Variants in ABCC2 observed in about 807,000 individuals in gnomAD.
ABCC2 encodes ATP binding cassette subfamily C member 2, also known as ATP-binding cassette sub-family C member 2.
ABCC2 carries 157 observed loss-of-function variants against 173.4 expected under a neutral mutation model. The observed-to-expected ratio is 0.91, with a 90% CI of 0.80 to 1.03. The LOEUF (loss-of-function observed/expected upper bound fraction) is 1.03. Among genes scored for constraint, ABCC2 ranks in the 50% least tolerant of loss-of-function variants. The probability of loss-of-function intolerance (pLI) is 0.00; values close to 1 mark genes in which losing one functional copy is unlikely to be tolerated. For synonymous variants in ABCC2, 657 were observed against 693.5 expected, an observed-to-expected ratio of 0.95 and a Z score of 0.83; for missense variants, 1,822 against 1,852.3, an observed-to-expected ratio of 0.98 and a Z score of 0.30.
At chr10:99,821,564 C>G (rs372622457) in intron 19 of ABCC2, among the ~76,000 whole-genome samples, 7 of 151,940 alleles carry the variant, frequency 4.6e-5, no homozygotes, top group African/African-American at 1.7e-4. Flanking sequence ...TGACTCTTAA[C>G]GAGCATGCTG....
At chr10:99,813,200 G>A (rs1564682388) in intron 16 of ABCC2, 56 bp downstream of exon 16, 4 of 1,596,876 alleles carry the variant, frequency 2.5e-6, no homozygotes, top group Non-Finnish European at 3.4e-6. Flanking sequence ...GCAGCTTCGT[G>A]CTTTTGCCTC....
chr10:99,829,816 G>C (rs1243241191), intron 19 of ABCC2, among the ~76,000 whole-genome samples: 1 of 152,136 alleles, frequency 6.6e-6, no homozygotes, highest in Non-Finnish European at 1.5e-5. Context: ...TGTAGACATA[G>C]AGTTTGCCTA....
Position 99,804,213 on chromosome 10 carries a change from G to A in ABCC2, c.1404G>A (p.Gly468=), listed in dbSNP as rs150386519. ...GACCCTCAGTCTTAGCAGGTGTTGG[G>A]GTGATGGTGCTTGTAATCCCAATTA... ...ELGPSVLAGV[G]VMVLVIPINA... Residue 468 remains glycine, a synonymous_variant, in exon 10 of 32, where the codon GGG becomes GGA. Coordinates refer to ENST00000647814, the MANE Select transcript of ABCC2 (RefSeq NM_000392.5). The A allele has an allele frequency of 5.0e-6, 8 of 1,614,050 alleles. No homozygotes were observed. Among genetic ancestry groups the A allele is most frequent in the Non-Finnish European group, 6.8e-6 (8 of 1,179,984 alleles).
Position 99,810,175 on chromosome 10 carries a change from G to A in ABCC2, c.1857G>A (p.Gly619=). The change falls in exon 14 of 32, where the codon GGG becomes GGA. Residue 619 remains glycine (G), a synonymous_variant. Coordinates refer to ENST00000647814, the MANE Select transcript of ABCC2 (RefSeq NM_000392.5). ...AGCGGCTAGAGAAGTACTTGGGAGG[G>A]GATGACTTGGACACATCTGCCATTC... ...STERLEKYLG[G]DDLDTSAIRH... The A allele has an allele frequency of 6.2e-7, 1 of 1,613,602 alleles. No homozygotes were observed. Among genetic ancestry groups the A allele is most frequent in the Non-Finnish European group, 8.5e-7 (1 of 1,179,602 alleles).
chr10:99,793,471 C>T lies in ABCC2; in HGVS notation c.334-80C>T. 3.8e-6 allele frequency: 6 copies of T among 1,591,840 alleles called. No individual in the cohort carries two copies. The South Asian group carries it at 6.7e-5, about 18-fold the overall frequency. ...TCCTCCCTCAGCCCTCCTTTCTTCC[C>T]ATGTTCTCTGACATCCTTCTCCCCT... On this transcript the variant is annotated intron_variant, in intron 3 of 31. Coordinates refer to ENST00000647814, the MANE Select transcript of ABCC2 (RefSeq NM_000392.5).
intron 31 of ABCC2, 121 bp from the exon 32 acceptor site, chr10:99,851,381 G>GA (rs2039086129): frequency 1.7e-6 from 2 of 1,170,550 alleles, no homozygotes; most frequent in African/African-American, 1.5e-5. Context: ...GTGGCTCATT[G>GA]ATTTTCACTG....
chr10:99,852,269 T>A lies in ABCC2; in HGVS notation c.*638T>A, dbSNP rs1359653305. 1 of 152,450 alleles carries A rather than the reference T, an allele frequency of 6.6e-6. No homozygotes were observed. The highest frequency in any genetic ancestry group is 1.9e-4 in the East Asian group (1 of 5,210). The allele number at this position is 152,450 out of a possible 1,614,324, so 9.4% of individuals were successfully genotyped here. A position where few individuals can be genotyped will look rare whatever the true frequency, so the allele number is the denominator to read the frequency against. Reference sequence around the variant, plus strand: ...AACCTAGGAATGGAGGGTATGAACATGTTTACATGCACAAACTAGCTGATG... The same window carrying A: ...AACCTAGGAATGGAGGGTATGAACAAGTTTACATGCACAAACTAGCTGATG... On this transcript the variant is annotated 3_prime_UTR_variant, in exon 32 of 32. Coordinates refer to ENST00000647814, the MANE Select transcript of ABCC2 (RefSeq NM_000392.5).
intron 6 of ABCC2, among the ~76,000 whole-genome samples, chr10:99,795,536 TA>T (rs1392630198): frequency 6.6e-6 from 1 of 151,784 alleles, no homozygotes; most frequent in Non-Finnish European, 1.5e-5. Context: ...CTGTCTCCAC[TA>T]AAAATACAAA....
intron 19 of ABCC2, among the ~76,000 whole-genome samples, chr10:99,828,261 G>T (rs373776549): frequency 6.5e-4 from 99 of 152,128 alleles, no homozygotes; most frequent in African/African-American, 2.4e-3. Flanking sequence ...AACACTGAGA[G>T]AACATTTCTG....
intron 30 of ABCC2, among the ~76,000 whole-genome samples, chr10:99,849,346 T>C (rs1442850425): frequency 6.6e-6 from 1 of 152,212 alleles, no homozygotes; most frequent in African/African-American, 2.4e-5. Flanking sequence ...TGTCAGTAAA[T>C]GCCAGTACAG....
intron 3 of ABCC2, among the ~76,000 whole-genome samples, chr10:99,792,795 G>T (rs1042119279): frequency 1.3e-5 from 2 of 152,098 alleles, no homozygotes; most frequent in Admixed American, 1.3e-4. Context: ...TTTTTTCAGG[G>T]GGTGGGGCCT....
intron 19 of ABCC2, among the ~76,000 whole-genome samples, chr10:99,822,560 C>T (rs1590174835): frequency 1.3e-5 from 2 of 151,624 alleles, no homozygotes; most frequent in Admixed American, 6.6e-5. Context: ...ACCTCTCCCC[C>T]ACGTTATCAC....
chr10:99,814,210 CATGT>C (rs750856768), intron 16 of ABCC2, among the ~76,000 whole-genome samples: 993 of 59,820 alleles, frequency 0.017, 237 homozygotes, highest in African/African-American at 0.047. Context: ...TATATACACA[CATGT>C]GTATATATAC....
intron 30 of ABCC2, among the ~76,000 whole-genome samples, chr10:99,848,951 G>A (rs781704424): frequency 6.6e-6 from 1 of 152,194 alleles, no homozygotes; most frequent in African/African-American, 2.4e-5. Context: ...CCGGCCGGGC[G>A]CAGTGGCTCA....
At position 99,843,730 on chromosome 10, in the gene ABCC2, C is replaced by T; in HGVS notation, c.3742-69C>T. On this transcript the variant is annotated intron_variant, in intron 26 of 31. Coordinates refer to ENST00000647814, the MANE Select transcript of ABCC2 (RefSeq NM_000392.5). ...GGTACAAAGTCGGCACTGGATTGTC[C>T]TTGTGGTTTGAGTGGTTGAGTTGGT... 4 of 1,323,006 alleles carry T rather than the reference C, an allele frequency of 3.0e-6. No homozygotes were observed. In the South Asian group the frequency reaches 4.7e-5, roughly 16 times the overall value. The allele number at this position is 1,323,006 out of a possible 1,614,324, so 82.0% of individuals were successfully genotyped here.
chr10:99,783,848 C>T (rs1291521859), intron 1 of ABCC2, among the ~76,000 whole-genome samples: 1 of 152,108 alleles, frequency 6.6e-6, no homozygotes, highest in African/African-American at 2.4e-5. Context: ...CTGAGAACTA[C>T]CTGACAAACT....
At chr10:99,786,286 A>C (rs959119244) in intron 2 of ABCC2, among the ~76,000 whole-genome samples, 1 of 152,232 alleles carries the variant, frequency 6.6e-6, no homozygotes, top group African/African-American at 2.4e-5. Context: ...TCTTAAAAAA[A>C]TAAAATAAAA....
intron 9 of ABCC2, among the ~76,000 whole-genome samples, chr10:99,802,352 C>T (rs2038027910): frequency 6.6e-6 from 1 of 152,108 alleles, no homozygotes; most frequent in Non-Finnish European, 1.5e-5. Flanking sequence ...ACCTATTTTA[C>T]AGAGAAAAAT....
chr10:99,811,633 T>C, intron 15 of ABCC2, 31 bp downstream of exon 15: 1 of 1,611,786 alleles, frequency 6.2e-7, no homozygotes, highest in Non-Finnish European at 8.5e-7. Flanking sequence ...CCTAATGTTC[T>C]TTAGCATTCT....
Sources: allele counts gnomAD v4.1 joint callset (sites outside exome capture counted in the v4.1 genomes callset), GRCh38; gene constraint gnomAD v4.1.1; transcripts MANE v1.5; gene names NCBI Gene and HGNC (gene_info 2026-07-23, HGNC 2026-07-21).